Variants in ARL17A observed in about 807,000 individuals in gnomAD.
ARL17A encodes the protein ADP-ribosylation factor-like 17-like.
chr17:46,542,985 CT>C (rs1694825687), intron 3 of ARL17A, among the ~76,000 whole-genome samples: 1 of 149,898 alleles, frequency 6.7e-6, no homozygotes, highest in Non-Finnish European at 1.5e-5. Flanking sequence ...CCTCACTTTC[CT>C]CAGCCTCCTG....
At chr17:46,540,235 C>CTT in intron 3 of ARL17A, 1 of 1,591,240 alleles carries the variant, frequency 6.3e-7, no homozygotes, top group South Asian at 1.1e-5. Flanking sequence ...AAATTGCCAG[C>CTT]ATTAAAATAT....
chr17:46,550,772 A>ATATAAT (rs1369577509), downstream of ARL17A, among the ~76,000 whole-genome samples: 27 of 80,986 alleles, frequency 3.3e-4, 1 homozygote, highest in Non-Finnish European at 6.7e-4. Context: ...TAAGAAGTCG[A>ATATAAT]AAATTTCTCC....
intron 3 of ARL17A, among the ~76,000 whole-genome samples, chr17:46,544,797 C>T (rs1255611163): frequency 8.9e-6 from 1 of 112,248 alleles, no homozygotes; most frequent in Non-Finnish European, 1.8e-5. Flanking sequence ...CCCAAATTTA[C>T]GTATTGGAAA....
At chr17:46,534,892 G>T (rs1419919124) in intron 4 of ARL17A, among the ~76,000 whole-genome samples, 1 of 149,722 alleles carries the variant, frequency 6.7e-6, no homozygotes, top group Non-Finnish European at 1.5e-5. Context: ...CTCAGACGGG[G>T]CGGCTGCTGG....
chr17:46,550,401 G>GTTT, downstream of ARL17A: 4 of 573,040 alleles, frequency 7.0e-6, no homozygotes, highest in South Asian at 3.1e-5. Flanking sequence ...TTTTTTGTGT[G>GTTT]TTTTTTTTTT....
At chr17:46,526,821 CAAG>C (rs1462453669), downstream of ARL17A, among the ~76,000 whole-genome samples, 1 of 88,724 alleles carries the variant, frequency 1.1e-5, no homozygotes, top group Non-Finnish European at 2.3e-5. Flanking sequence ...GGCATCCAAG[CAAG>C]AAGGACCAGG....
At chr17:46,502,434 TG>T in the ARL17A span, among the ~76,000 whole-genome samples, 1 of 151,030 alleles carries the variant, frequency 6.6e-6, no homozygotes, top group East Asian at 1.9e-4. Context: ...CCCAAGTAGC[TG>T]GGATTATAGG....
chr17:46,551,075 C>T (rs1296541040), downstream of ARL17A, among the ~76,000 whole-genome samples: 1 of 150,068 alleles, frequency 6.7e-6, no homozygotes, highest in Non-Finnish European at 1.5e-5. Context: ...TTTAAGTTCA[C>T]TGGTGAGGGG....
At chr17:46,531,704 ATTC>A (rs1200858539) in intron 4 of ARL17A, among the ~76,000 whole-genome samples, 1 of 36,350 alleles carries the variant, frequency 2.8e-5, no homozygotes, top group Non-Finnish European at 4.5e-5. Context: ...AAAATGTCTT[ATTC>A]TTCTTTAAAA....
chr17:46,548,568 A>AGG (rs1299908623), downstream of ARL17A: 1 of 1,554,072 alleles, frequency 6.4e-7, no homozygotes, highest in Non-Finnish European at 8.7e-7. Context: ...CGTTCATTAA[A>AGG]CTGCCAACCA....
At chr17:46,543,470 T>C (rs1223190772) in intron 3 of ARL17A, among the ~76,000 whole-genome samples, 1 of 150,980 alleles carries the variant, frequency 6.6e-6, no homozygotes, top group Non-Finnish European at 1.5e-5. Context: ...CATGTTATGA[T>C]TGGGACAATT....
chr17:46,548,482 G>A, downstream of ARL17A: 1 of 1,187,028 alleles, frequency 8.4e-7, no homozygotes, highest in Non-Finnish European at 1.1e-6. Flanking sequence ...TGACGAGAGT[G>A]ATTTTATCAG....
chr17:46,534,844 C>G (rs1170047417), intron 4 of ARL17A, among the ~76,000 whole-genome samples: 4 of 149,268 alleles, frequency 2.7e-5, no homozygotes, highest in Non-Finnish European at 4.4e-5. Flanking sequence ...ACCTCCCTCC[C>G]AGACAGGGCG....
In ARL17A at chr17:46,532,749, T is replaced by A. The variant is rs1408389152; in HGVS notation, c.336-3890A>T. 2.7e-4 allele frequency among the ~76,000 whole-genome samples: 39 copies of A among 146,852 alleles called. 1 individual carries two copies. Among genetic ancestry groups the A allele is most frequent in the African/African-American group, 6.7e-4 (25 of 37,544 alleles). Reference sequence around the variant, plus strand: ...TCCTTTTTATTCATATTATAATCCTTTTTATGTCTCTAAGAACAATAGTAA... The same window carrying A: ...TCCTTTTTATTCATATTATAATCCTATTTATGTCTCTAAGAACAATAGTAA... On this transcript the variant is annotated intron_variant, in intron 4 of 4. Coordinates refer to the ARL17A transcript ENST00000329240.
chr17:46,558,208 C>T (rs1333901447), intron 3 of ARL17A, among the ~76,000 whole-genome samples: 3 of 102,448 alleles, frequency 2.9e-5, no homozygotes, highest in South Asian at 2.8e-4. Context: ...TACAGGCATG[C>T]ACCACCATGC....
the ARL17A span, among the ~76,000 whole-genome samples, chr17:46,503,432 C>G: frequency 7.0e-6 from 1 of 143,516 alleles, no homozygotes; most frequent in East Asian, 2.1e-4. Flanking sequence ...AGCTTATAAA[C>G]CAGTGACAGA....
intron 3 of ARL17A, among the ~76,000 whole-genome samples, chr17:46,569,223 C>T (rs2146033954): frequency 6.6e-6 from 1 of 151,776 alleles, no homozygotes; most frequent in African/African-American, 2.4e-5. Flanking sequence ...GCTGGGATTA[C>T]AGGTGTAAGC....
chr17:46,558,836 C>CTTTTTTTTTT (rs765462293), intron 3 of ARL17A: 3 of 71,814 alleles, frequency 4.2e-5, no homozygotes, highest in African/African-American at 6.6e-5. Flanking sequence ...CTCTTTTATT[C>CTTTTTTTTTT]TTTTTTTTTT....
chr17:46,505,682 C>CA, the ARL17A span, among the ~76,000 whole-genome samples: 4 of 42,658 alleles, frequency 9.4e-5, no homozygotes, highest in African/African-American at 3.3e-4. Flanking sequence ...TGCCTGGTCT[C>CA]AAACTCCTGG....
Sources: allele counts gnomAD v4.1 joint callset (sites outside exome capture counted in the v4.1 genomes callset), GRCh38; gene constraint gnomAD v4.1.1; transcripts MANE v1.5; gene names NCBI Gene and HGNC (gene_info 2026-07-23, HGNC 2026-07-21).